The following PDE4D variants were observed in gnomAD, a reference collection of about 807,000 sequenced individuals.
PDE4D encodes the protein phosphodiesterase 4D, also known as 3',5'-cyclic-AMP phosphodiesterase 4D.
Under a neutral mutation model 87.4 loss-of-function variants are expected in PDE4D, and 24 were observed. The ratio of observed to expected loss-of-function variants is 0.27; its 90% CI spans 0.20 to 0.39. PDE4D has a LOEUF of 0.39. Ranked by LOEUF, PDE4D falls within the 10% of genes least tolerant of loss-of-function variation. The probability of loss-of-function intolerance (pLI) is 1.00; values close to 1 mark genes in which losing one functional copy is unlikely to be tolerated. For missense variants in PDE4D, 714 were observed against 1,041.0 expected (o/e 0.69, Z 4.32); for synonymous variants, 384 against 383.2 (o/e 1.00, Z -0.02).
At chr5:59,108,983 G>GTGTGTGTT (rs1343429670) in intron 5 of PDE4D, among the ~76,000 whole-genome samples, 1 of 151,010 alleles carries the variant, frequency 6.6e-6, no homozygotes, top group Non-Finnish European at 1.5e-5. Flanking sequence ...GTGTGTGTGT[G>GTGTGTGTT]TGTGTGTGTG....
chr5:60,143,705 G>A (rs1026623264), intron 2 of PDE4D, among the ~76,000 whole-genome samples: 5 of 150,680 alleles, frequency 3.3e-5, no homozygotes, highest in Admixed American at 1.3e-4. Context: ...ATTTTAATGC[G>A]AAACCATGGT....
intron 1 of PDE4D, among the ~76,000 whole-genome samples, chr5:60,507,937 T>A (rs188404192): frequency 3.3e-5 from 5 of 152,306 alleles, no homozygotes; most frequent in African/African-American, 1.2e-4. Context: ...GAACATGAGC[T>A]CATTTTAAGC....
intron 2 of PDE4D, among the ~76,000 whole-genome samples, chr5:60,152,248 T>C (rs1781569615): frequency 6.6e-6 from 1 of 152,196 alleles, no homozygotes; most frequent in African/African-American, 2.4e-5. Context: ...GGCTTTAGAA[T>C]CAAGGTAACA....
intron 5 of PDE4D, among the ~76,000 whole-genome samples, chr5:59,161,580 A>G (rs763954473): frequency 1.1e-4 from 16 of 152,194 alleles, no homozygotes; most frequent in Non-Finnish European, 2.1e-4. Context: ...TGGTGATGTT[A>G]ATACTGGAGG....
intron 2 of PDE4D, among the ~76,000 whole-genome samples, chr5:60,023,692 T>C (rs2152854464): frequency 6.6e-6 from 1 of 152,312 alleles, no homozygotes; most frequent in South Asian, 2.1e-4. Flanking sequence ...AGTTGCATTA[T>C]AAGGCTGGCT....
chr5:59,156,658 C>A lies in PDE4D; in HGVS notation c.808+23937G>T, dbSNP rs371019462. Among the ~76,000 whole-genome samples, 41 of 152,022 alleles carry A rather than the reference C, an allele frequency of 2.7e-4. No individual in the cohort carries two copies. In the East Asian group the frequency reaches 7.7e-3, roughly 29 times the overall value. On this transcript the variant is annotated intron_variant, in intron 5 of 14. Transcript: ENST00000340635. ...GCAGCCACAGCAGCCCTGGACTGCT[C>A]ACTCTGAATTTCTGGAAAAAGAAAT...
intron 1 of PDE4D, among the ~76,000 whole-genome samples, chr5:59,286,094 T>C (rs1766900040): frequency 6.6e-6 from 1 of 152,196 alleles, no homozygotes; most frequent in Non-Finnish European, 1.5e-5. Flanking sequence ...ATCCATGTAC[T>C]GGATGAGAGG....
chr5:59,960,690 C>T (rs1346839065), intron 3 of PDE4D, among the ~76,000 whole-genome samples: 4 of 151,900 alleles, frequency 2.6e-5, no homozygotes, highest in Non-Finnish European at 5.9e-5. Flanking sequence ...GGAACAGTGA[C>T]ACAAGGAACT....
chr5:60,347,889 C>T (rs1259816197), intron 1 of PDE4D, among the ~76,000 whole-genome samples: 1 of 152,152 alleles, frequency 6.6e-6, no homozygotes, highest in Non-Finnish European at 1.5e-5. Context: ...TTACACAAAA[C>T]CTCCATAGAA....
At position 59,893,342 on chromosome 5, in the gene PDE4D, C is replaced by T. The variant is rs372577747; in HGVS notation, c.281G>A (p.Arg94His). ...GCCGGTGGCCCCGCTCGAGGCGTAG[C>T]GGCCGCGGGCAGCCCCGGGCGGCGG... Reference protein sequence around the residue: ...PPPPPGAARGRYASSGATGRV... With the variant: ...PPPPPGAARGHYASSGATGRV... The change falls in exon 1 of 15, where the codon CGC becomes CAC. Residue 94 changes from arginine (R) to histidine (H), a missense_variant. By Grantham distance (29) the Arg-to-His change is conservative. Around this residue, in one of 7 missense-constraint regions of PDE4D, gnomAD observed 268 missense variants for 272.9 expected, o/e 0.98. Transcript: ENST00000340635. The T allele has an allele frequency of 5.5e-6, 8 of 1,457,126 alleles. No homozygotes were observed. The highest frequency in any genetic ancestry group is 7.3e-6 in the Non-Finnish European group (8 of 1,098,304). The allele number at this position is 1,457,126 out of a possible 1,614,324, so 90.3% of individuals were successfully genotyped here. A position where few individuals can be genotyped will look rare whatever the true frequency, so the allele number is the denominator to read the frequency against.
chr5:59,527,833 G>A (rs79409526), intron 1 of PDE4D, among the ~76,000 whole-genome samples: 1 of 152,252 alleles, frequency 6.6e-6, no homozygotes, highest in Non-Finnish European at 1.5e-5. Flanking sequence ...CCATGAGCTA[G>A]GAATATAACA....
At chr5:59,499,678 A>G (rs367629458) in intron 1 of PDE4D, among the ~76,000 whole-genome samples, 7 of 152,146 alleles carry the variant, frequency 4.6e-5, no homozygotes, top group Non-Finnish European at 7.3e-5. Flanking sequence ...CCTAGAGGAG[A>G]TGCATAAATT....
intron 5 of PDE4D, among the ~76,000 whole-genome samples, chr5:59,134,719 C>T (rs1776784590): frequency 6.6e-6 from 1 of 152,186 alleles, no homozygotes; most frequent in Admixed American, 6.5e-5. Flanking sequence ...AGGGGACCCA[C>T]AGTGGTAGCT....
chr5:59,847,046 G>A (rs374810295), intron 1 of PDE4D, among the ~76,000 whole-genome samples: 1 of 152,004 alleles, frequency 6.6e-6, no homozygotes, highest in Admixed American at 6.6e-5. Context: ...GACAGAGGTG[G>A]TGACATGAGA....
intron 1 of PDE4D, among the ~76,000 whole-genome samples, chr5:59,439,747 G>A (rs530314605): frequency 1.3e-5 from 2 of 152,276 alleles, no homozygotes; most frequent in Admixed American, 6.5e-5. Context: ...TTGCTGCCAT[G>A]GAGCCCTTGG....
intron 1 of PDE4D, among the ~76,000 whole-genome samples, chr5:59,233,696 T>C (rs113244981): frequency 0.012 from 1,801 of 152,292 alleles, 8 homozygotes; most frequent in Non-Finnish European, 0.02. Context: ...CCTCTTTCTC[T>C]GAGTTTCAGT....
intron 1 of PDE4D, among the ~76,000 whole-genome samples, chr5:59,513,105 G>A (rs904139562): frequency 1.1e-4 from 17 of 151,918 alleles, no homozygotes; most frequent in East Asian, 9.6e-4. Context: ...TTTTCATGCC[G>A]CTATCTTTTT....
chr5:59,034,863 C>T (rs1758220686), intron 6 of PDE4D, among the ~76,000 whole-genome samples: 1 of 152,148 alleles, frequency 6.6e-6, no homozygotes, highest in Non-Finnish European at 1.5e-5. Context: ...CCTCAAACTG[C>T]CCCCAAAATT....
intron 1 of PDE4D, among the ~76,000 whole-genome samples, chr5:59,582,457 A>G (rs294497): frequency 0.77 from 116,985 of 152,032 alleles, 45,265 homozygotes; most frequent in South Asian, 0.89. Context: ...TTTCATTAGA[A>G]GGCAGGCCAT....
Sources: allele counts gnomAD v4.1 joint callset (sites outside exome capture counted in the v4.1 genomes callset), GRCh38; gene constraint gnomAD v4.1.1; regional missense constraint gnomAD v4.1.1; transcripts MANE v1.5; gene names NCBI Gene and HGNC (gene_info 2026-07-23, HGNC 2026-07-21).